Variants in RPRD1A observed in about 807,000 individuals in gnomAD.
RPRD1A encodes regulation of nuclear pre-mRNA domain containing 1A.
Under a neutral mutation model 37.8 loss-of-function variants are expected in RPRD1A, and 9 were observed. The ratio of observed to expected loss-of-function variants is 0.24; its 90% CI spans 0.14 to 0.42. The LOEUF (loss-of-function observed/expected upper bound fraction) is 0.42. Among genes scored for constraint, RPRD1A ranks in the 10% least tolerant of loss-of-function variants. RPRD1A has a pLI of 1.00. For missense variants in RPRD1A, 255 were observed against 371.0 expected (o/e 0.69, Z 2.57); for synonymous variants, 138 against 139.7 (o/e 0.99, Z 0.08).
chr18:36,007,101 T>C (rs1270004395), intron 6 of RPRD1A, among the ~76,000 whole-genome samples: 1 of 152,240 alleles, frequency 6.6e-6, no homozygotes, highest in Non-Finnish European at 1.5e-5. Context: ...AAGGAAACTC[T>C]TAACACTTTC....
At chr18:35,998,945 T>C (rs775915067) in intron 6 of RPRD1A, among the ~76,000 whole-genome samples, 2 of 152,196 alleles carry the variant, frequency 1.3e-5, no homozygotes, top group Non-Finnish European at 2.9e-5. Flanking sequence ...TGAACCACCA[T>C]TACAGATTTC....
chr18:36,012,277 T>C (rs1226874064), intron 6 of RPRD1A, among the ~76,000 whole-genome samples: 1 of 152,214 alleles, frequency 6.6e-6, no homozygotes, highest in East Asian at 1.9e-4. Context: ...ACCAGTTGTA[T>C]AAAAGTACAG....
At chr18:36,052,450 T>C (rs1568148825) in intron 1 of RPRD1A, among the ~76,000 whole-genome samples, 1 of 152,214 alleles carries the variant, frequency 6.6e-6, no homozygotes, top group African/African-American at 2.4e-5. Context: ...TTTTGTTTCC[T>C]ATGTGATTTA....
At chr18:36,008,594 T>C (rs1238067413) in intron 6 of RPRD1A, among the ~76,000 whole-genome samples, 6 of 139,302 alleles carry the variant, frequency 4.3e-5, no homozygotes, top group African/African-American at 1.6e-4. Flanking sequence ...TATATATCTT[T>C]AAAAATCTCT....
intron 1 of RPRD1A, among the ~76,000 whole-genome samples, chr18:36,044,480 G>A (rs542872009): frequency 1.3e-5 from 2 of 152,086 alleles, no homozygotes; most frequent in African/African-American, 4.8e-5. Flanking sequence ...CAGAGGACAT[G>A]AGTTCGAGAC....
chr18:36,065,807 G>A (rs1435876320), intron 1 of RPRD1A, among the ~76,000 whole-genome samples: 1 of 151,836 alleles, frequency 6.6e-6, no homozygotes, highest in Non-Finnish European at 1.5e-5. Flanking sequence ...TTCCTGATTT[G>A]TAAGATTAAG....
Position 36,067,429 on chromosome 18 carries a change from T to C in RPRD1A, c.-25A>G. On this transcript the variant is annotated 5_prime_UTR_variant, in exon 1 of 7. Transcript: ENST00000399022. ...TCCCTCCGACACCACGTTCACGCCG[T>C]CCCACGCGGTGGGGCCGAGGGGAGG... 6.3e-7 allele frequency: 1 copy of C among 1,596,310 alleles called. No homozygotes were observed. The highest frequency in any genetic ancestry group is 8.5e-7 in the Non-Finnish European group (1 of 1,171,142).
At chr18:35,999,651 AAGAG>A (rs375586040) in intron 6 of RPRD1A, among the ~76,000 whole-genome samples, 5 of 151,962 alleles carry the variant, frequency 3.3e-5, no homozygotes, top group African/African-American at 1.2e-4. Context: ...ACAAAAAAAA[AAGAG>A]AGAATTTCAA....
intron 6 of RPRD1A, among the ~76,000 whole-genome samples, chr18:36,001,802 C>T (rs1909436269): frequency 6.6e-6 from 1 of 152,168 alleles, no homozygotes; most frequent in Admixed American, 6.5e-5. Context: ...ACATTGAACC[C>T]AACATTTCTC....
chr18:36,032,629 T>C (rs532884628), intron 2 of RPRD1A, among the ~76,000 whole-genome samples: 1 of 152,324 alleles, frequency 6.6e-6, no homozygotes, highest in African/African-American at 2.4e-5. Flanking sequence ...GAAAATACAT[T>C]ATGGTAACTA....
At chr18:36,008,950 G>A (rs949169832) in intron 6 of RPRD1A, among the ~76,000 whole-genome samples, 1 of 152,034 alleles carries the variant, frequency 6.6e-6, no homozygotes, top group Non-Finnish European at 1.5e-5. Context: ...TCAGCACACG[G>A]CTGTAAGGAC....
At chr18:36,052,522 GATAAC>G (rs1913472349) in intron 1 of RPRD1A, among the ~76,000 whole-genome samples, 1 of 152,066 alleles carries the variant, frequency 6.6e-6, no homozygotes, top group African/African-American at 2.4e-5. Flanking sequence ...TGTACTTTGT[GATAAC>G]ATAAAAGGAG....
chr18:36,031,122 A>T (rs991780045), intron 2 of RPRD1A, 25 bp from the exon 3 acceptor site: 1 of 1,521,180 alleles, frequency 6.6e-7, no homozygotes, highest in Admixed American at 2.4e-5. Flanking sequence ...AAAGAAAAAA[A>T]GAAAAATGTT....
chr18:36,050,864 TTTTC>T (rs1319965201), intron 1 of RPRD1A, among the ~76,000 whole-genome samples: 115 of 150,236 alleles, frequency 7.7e-4, no homozygotes, highest in African/African-American at 2.1e-3. Context: ...TTTTCTTTTC[TTTTC>T]TTTTTTTTTT....
rs1908794665 is a variant in RPRD1A at position 35,992,906 on chromosome 18, G to A, written c.*245C>T. 1 of 327,228 alleles carries A rather than the reference G, an allele frequency of 3.1e-6. No homozygotes were observed. The highest frequency in any genetic ancestry group is 2.1e-5 in the African/African-American group (1 of 46,758). The allele number at this position is 327,228 out of a possible 1,614,324, so 20.3% of individuals were successfully genotyped here. On this transcript the variant is annotated 3_prime_UTR_variant, in exon 7 of 7. Transcript: ENST00000399022. ...AAAAAAATTTACAAAAAGATCTTTT[G>A]AAAATAATCACTATTTGTGAGCTTA...
rs116216138 is a variant in RPRD1A, at chr18:36,051,226, T to C, written c.151+16028A>G. On this transcript the variant is annotated intron_variant, in intron 1 of 6. Coordinates refer to ENST00000399022, the MANE Select transcript of RPRD1A (RefSeq NM_018170.5). ...TTTATATCATCAAGACGTGCGTCAA[T>C]ATAGCAAGTAAGGACAAAAAAGCCT... is the stretch of plus-strand genomic sequence containing the variant. Among the ~76,000 whole-genome samples the C allele has an allele frequency of 3.4e-3, 521 of 152,316 alleles. 1 individual carries two copies. The highest frequency in any genetic ancestry group is 0.012 in the African/African-American group (508 of 41,570).
At position 36,008,569 on chromosome 18, in the gene RPRD1A, T is replaced by TATATATATATATATATATATATA. The variant is rs1555670660; in HGVS notation, c.790-15270_790-15269insTATATATATATATATATATATAT. On this transcript the variant is annotated intron_variant, in intron 6 of 6. Coordinates refer to ENST00000399022, the MANE Select transcript of RPRD1A (RefSeq NM_018170.5). ...CTAGCCTGGGCGACACAGCAAGACC[T>TATATATATATATATATATATATA]TGTGTGTGTATATATATATATCTTT... Among the ~76,000 whole-genome samples, 143 of 56,056 alleles carry TATATATATATATATATATATATA rather than the reference T, an allele frequency of 2.6e-3. 2 individuals carry two copies. Among genetic ancestry groups the TATATATATATATATATATATATA allele is most frequent in the Middle Eastern group, 7.5e-3 (1 of 134 alleles). 36.8% of individuals were successfully genotyped at this position (56,056 alleles called of 152,430 possible).
chr18:36,018,592 GCATT>G (rs1287558147), intron 6 of RPRD1A, among the ~76,000 whole-genome samples: 1 of 152,044 alleles, frequency 6.6e-6, no homozygotes, highest in African/African-American at 2.4e-5. Flanking sequence ...ATTTCTAATG[GCATT>G]CATTTACTTA....
intron 1 of RPRD1A, among the ~76,000 whole-genome samples, chr18:36,038,616 C>CT (rs1372861017): frequency 6.6e-6 from 1 of 152,160 alleles, no homozygotes; most frequent in African/African-American, 2.4e-5. Flanking sequence ...GAGGCACTGC[C>CT]TAGTGGAGTT....
Sources: gnomAD v4.1 joint callset for allele counts (sites outside exome capture counted in the v4.1 genomes callset) on GRCh38, gnomAD v4.1.1 for gene constraint, MANE v1.5 for transcripts, NCBI Gene and HGNC (gene_info 2026-07-23, HGNC 2026-07-21) for gene names.